Variants in MACROD2 observed in about 807,000 individuals in gnomAD.
MACROD2 encodes the protein mono-ADP ribosylhydrolase 2.
Under a neutral mutation model 70.4 loss-of-function variants are expected in MACROD2, and 36 were observed. That is an observed-to-expected ratio of 0.51 (90% CI 0.39 to 0.68). MACROD2 has a LOEUF of 0.68. Ranked by LOEUF, MACROD2 falls within the 30% of genes least tolerant of loss-of-function variation. The pLI, the probability that MACROD2 is intolerant of heterozygous loss-of-function variation, is 0.00. For missense variants in MACROD2, 496 were observed against 538.4 expected (o/e 0.92, Z 0.78); for synonymous variants, 172 against 178.8 (o/e 0.96, Z 0.30).
rs555633166 is a variant in MACROD2, at chr20:14,457,485, C to G, written c.272-35994C>G. Among the ~76,000 whole-genome samples the G allele has an allele frequency of 1.5e-3, 227 of 152,250 alleles. 2 individuals are homozygous for G. Among genetic ancestry groups the G allele is most frequent in the African/African-American group, 5.3e-3 (218 of 41,518 alleles). On this transcript the variant is annotated intron_variant, in intron 3 of 17. Transcript: ENST00000684519. ...CTATGACATAGCAAAGAAATATTCT[C>G]TTTCTTTTACAACTCTGCTATTTAG... is the stretch of plus-strand genomic sequence containing the variant.
intron 8 of MACROD2, among the ~76,000 whole-genome samples, chr20:15,647,696 C>T (rs1310674370): frequency 2.0e-5 from 3 of 150,160 alleles, no homozygotes; most frequent in South Asian, 2.1e-4. Context: ...AGGTCACTAC[C>T]GTAAGTAATG....
chr20:14,824,281 T>C (rs2072878417), intron 5 of MACROD2, among the ~76,000 whole-genome samples: 2 of 152,140 alleles, frequency 1.3e-5, no homozygotes, highest in African/African-American at 2.4e-5. Flanking sequence ...TTAAACACTC[T>C]GCAGAATTCT....
chr20:15,231,984 G>C (rs2076962831), intron 6 of MACROD2, among the ~76,000 whole-genome samples: 1 of 151,968 alleles, frequency 6.6e-6, no homozygotes, highest in Non-Finnish European at 1.5e-5. Flanking sequence ...ATCATGTTTT[G>C]CATGGTAGAC....
chr20:14,706,664 G>A (rs953149452), intron 5 of MACROD2, among the ~76,000 whole-genome samples: 3 of 151,990 alleles, frequency 2.0e-5, no homozygotes, highest in African/African-American at 7.2e-5. Flanking sequence ...CAACCAGCCC[G>A]GCTGGGCAGA....
At chr20:15,776,943 A>G (rs1290082102) in intron 8 of MACROD2, among the ~76,000 whole-genome samples, 3 of 152,196 alleles carry the variant, frequency 2.0e-5, no homozygotes, top group African/African-American at 7.2e-5. Context: ...CTTACATGAA[A>G]AGAATGCGAC....
intron 6 of MACROD2, among the ~76,000 whole-genome samples, chr20:15,346,110 T>TAA (rs1440709467): frequency 2.4e-4 from 25 of 102,742 alleles, no homozygotes; most frequent in East Asian, 1.4e-3. Context: ...GGTAAAAATT[T>TAA]TTTTTTTTTT....
At chr20:15,026,174 G>C (rs2075230061) in intron 5 of MACROD2, among the ~76,000 whole-genome samples, 1 of 152,146 alleles carries the variant, frequency 6.6e-6, no homozygotes, top group Non-Finnish European at 1.5e-5. Context: ...TCCTCTGAAT[G>C]TACACGAACA....
intron 5 of MACROD2, among the ~76,000 whole-genome samples, chr20:15,007,989 C>T (rs1000364015): frequency 6.6e-6 from 1 of 152,196 alleles, no homozygotes; most frequent in Non-Finnish European, 1.5e-5. Flanking sequence ...CTCTGTAGTA[C>T]AGGAAAGCAC....
At chr20:14,297,297 T>G (rs1361861071) in intron 3 of MACROD2, among the ~76,000 whole-genome samples, 1 of 151,818 alleles carries the variant, frequency 6.6e-6, no homozygotes, top group Non-Finnish European at 1.5e-5. Flanking sequence ...TCACTTAAAA[T>G]CAAAAGCTAG....
intron 4 of MACROD2, among the ~76,000 whole-genome samples, chr20:14,681,713 T>A (rs1398111534): frequency 6.6e-6 from 1 of 152,180 alleles, no homozygotes; most frequent in East Asian, 1.9e-4. Context: ...ACTGCACACT[T>A]AAAATCTGTA....
chr20:15,470,165 T>A (rs113139781), intron 7 of MACROD2, among the ~76,000 whole-genome samples: 14,999 of 152,198 alleles, frequency 0.099, 834 homozygotes, highest in Non-Finnish European at 0.13. Flanking sequence ...TTCTCCTGCC[T>A]CAGTCTCCCA....
intron 8 of MACROD2, among the ~76,000 whole-genome samples, chr20:15,560,721 C>T (rs2146605922): frequency 7.1e-6 from 1 of 139,954 alleles, no homozygotes. Flanking sequence ...CTAGATTGCA[C>T]CACTGCACTC....
chr20:15,481,052 C>G (rs1600474675), intron 7 of MACROD2, among the ~76,000 whole-genome samples: 1 of 152,212 alleles, frequency 6.6e-6, no homozygotes, highest in East Asian at 1.9e-4. Flanking sequence ...TTTACTTTCT[C>G]TAACCATAGC....
chr20:15,401,204 A>AT (rs1012396731), intron 6 of MACROD2, among the ~76,000 whole-genome samples: 2 of 151,802 alleles, frequency 1.3e-5, no homozygotes, highest in Admixed American at 6.6e-5. Context: ...CGCCCGGCTA[A>AT]TTTTTTTGTA....
At chr20:15,766,539 A>G (rs897329361) in intron 8 of MACROD2, among the ~76,000 whole-genome samples, 5 of 152,128 alleles carry the variant, frequency 3.3e-5, no homozygotes, top group Admixed American at 3.3e-4. Context: ...GCCAGCTGCT[A>G]AGGAGATTCC....
intron 6 of MACROD2, among the ~76,000 whole-genome samples, chr20:15,415,747 C>A (rs1480193217): frequency 6.6e-6 from 1 of 152,184 alleles, no homozygotes; most frequent in Non-Finnish European, 1.5e-5. Flanking sequence ...GCTATCCATT[C>A]CTCCTTCCAT....
At chr20:14,520,942 C>T (rs1258259758) in intron 4 of MACROD2, among the ~76,000 whole-genome samples, 1 of 131,384 alleles carries the variant, frequency 7.6e-6, no homozygotes, top group African/African-American at 3.0e-5. Context: ...CACAGACATG[C>T]ACGCGTGCGT....
intron 10 of MACROD2, among the ~76,000 whole-genome samples, chr20:15,921,176 T>C (rs2065399486): frequency 6.6e-6 from 1 of 152,186 alleles, no homozygotes; most frequent in Non-Finnish European, 1.5e-5. Flanking sequence ...CCCTTTCTAA[T>C]GTGACCACGG....
At chr20:15,082,254 G>A (rs746748731) in intron 5 of MACROD2, among the ~76,000 whole-genome samples, 13 of 152,152 alleles carry the variant, frequency 8.5e-5, no homozygotes, top group Admixed American at 5.2e-4. Flanking sequence ...TGACTAAACC[G>A]TGTGTCTGAA....
Sources: gnomAD v4.1 joint callset for allele counts (sites outside exome capture counted in the v4.1 genomes callset) on GRCh38, gnomAD v4.1.1 for gene constraint, MANE v1.5 for transcripts, NCBI Gene and HGNC (gene_info 2026-07-23, HGNC 2026-07-21) for gene names.